FLCN: variants seen among roughly 807,000 people sequenced by gnomAD.
FLCN encodes the protein BHD skin lesion fibrofolliculoma protein.
Under a neutral mutation model 62.5 loss-of-function variants are expected in FLCN, and 22 were observed. The observed-to-expected ratio is 0.35, with a 90% CI of 0.25 to 0.50. FLCN has a LOEUF of 0.50. Among genes scored for constraint, FLCN ranks in the 20% least tolerant of loss-of-function variants. FLCN has a pLI of 0.97. For synonymous variants in FLCN, 319 were observed against 310.0 expected, an observed-to-expected ratio of 1.03 and a Z score of -0.30; for missense variants, 657 against 778.0, an observed-to-expected ratio of 0.84 and a Z score of 1.85.
chr17:17,214,920 T>C (rs2046863552), intron 13 of FLCN, 65 bp downstream of exon 13: 4 of 1,554,366 alleles, frequency 2.6e-6, no homozygotes, highest in Non-Finnish European at 3.5e-6. Context: ...GCTCCTCTTT[T>C]GGAAACAGCT....
intron 5 of FLCN, chr17:17,225,928 T>C (rs1359463748): frequency 1.6e-6 from 1 of 635,356 alleles, no homozygotes; most frequent in Admixed American, 2.7e-5. Context: ...GGACAAATAA[T>C]AAAAGTTCGG....
At chr17:17,219,247 C>T in intron 8 of FLCN, 38 bp from the exon 9 acceptor site, 2 of 1,606,352 alleles carry the variant, frequency 1.2e-6, no homozygotes, top group Non-Finnish European at 1.7e-6. Context: ...CAGATACAAA[C>T]AGTCTCATCC....
chr17:17,214,295 CAA>C (rs11333971), intron 13 of FLCN, among the ~76,000 whole-genome samples: 37 of 145,580 alleles, frequency 2.5e-4, no homozygotes, highest in African/African-American at 8.4e-4. Flanking sequence ...AATTTGCTTA[CAA>C]AAAAAAAAAC....
At chr17:17,214,476 C>T (rs1207350869) in intron 13 of FLCN, among the ~76,000 whole-genome samples, 2 of 152,084 alleles carry the variant, frequency 1.3e-5, no homozygotes, top group Non-Finnish European at 1.5e-5. Flanking sequence ...TGCCTGTAAT[C>T]CCAGCTACTC....
Position 17,212,674 on chromosome 17 carries a change from T to A in FLCN, c.*981A>T, listed in dbSNP as rs1339699344. ...AGTGGCGGGCACCTGTAGTTCCAGC[T>A]ACTCTGGAGGCTGAGGCAGGAGAAT... On this transcript the variant is annotated 3_prime_UTR_variant, in exon 14 of 14. Transcript: ENST00000285071. 5.6e-6 allele frequency: 1 copy of A among 179,538 alleles called. No homozygotes were observed. The highest frequency in any genetic ancestry group is 1.2e-5 in the Non-Finnish European group (1 of 84,094). 11.1% of individuals were successfully genotyped at this position (179,538 alleles called of 1,614,324 possible). A position where few individuals can be genotyped will look rare whatever the true frequency, so the allele number is the denominator to read the frequency against.
At chr17:17,222,754 C>G in intron 6 of FLCN, 93 bp from the exon 7 acceptor site, 3 of 1,480,134 alleles carry the variant, frequency 2.0e-6, no homozygotes, top group Non-Finnish European at 1.9e-6. Flanking sequence ...GGACCTGACT[C>G]CTGGAGGATC....
Position 17,213,715 on chromosome 17 carries a change from G to C in FLCN, c.1680C>G (p.Thr560=), listed in dbSNP as rs2144807560. ...CCGTGGACATGAGGTGTGACTTGTA[G>C]GTCTTGCTCAGGCCAGTCATCCAGA... ...LKFWMTGLSK[T]YKSHLMSTVR... The change falls in exon 14 of 14, where the codon ACC becomes ACG. Residue 560 remains threonine, a synonymous_variant. Coordinates refer to ENST00000285071, the MANE Select transcript of FLCN (RefSeq NM_144997.7). 6.2e-7 allele frequency: 1 copy of C among 1,614,190 alleles called. No homozygotes were observed. Among genetic ancestry groups the C allele is most frequent in the African/African-American group, 1.3e-5 (1 of 75,052 alleles).
chr17:17,235,251 G>C (rs1233811533), intron 1 of FLCN, among the ~76,000 whole-genome samples: 1 of 152,116 alleles, frequency 6.6e-6, no homozygotes, highest in East Asian at 1.9e-4. Context: ...TTGCACTCCA[G>C]CCTGGGCAAT....
At chr17:17,213,922 C>T in intron 13 of FLCN, 66 bp from the exon 14 acceptor site, 1 of 1,558,854 alleles carries the variant, frequency 6.4e-7, no homozygotes, top group South Asian at 1.1e-5. Context: ...GGTCACGGGG[C>T]CAACCAGGGG....
chr17:17,227,688 G>C (rs977907579), intron 4 of FLCN, among the ~76,000 whole-genome samples: 6 of 152,126 alleles, frequency 3.9e-5, no homozygotes, highest in African/African-American at 1.4e-4. Context: ...TCCAGCCTGG[G>C]CAATAAGAGC....
intron 3 of FLCN, chr17:17,228,366 G>T: frequency 1.7e-6 from 1 of 589,390 alleles, no homozygotes; most frequent in Non-Finnish European, 3.0e-6. Flanking sequence ...GGGAGTCACA[G>T]CAAATAGGGG....
intron 5 of FLCN, chr17:17,224,350 T>G: frequency 1.7e-6 from 1 of 604,826 alleles, no homozygotes. Flanking sequence ...CATTGTGGAC[T>G]GCAAGGGCCG....
At chr17:17,228,884 G>C (rs1013700876) in intron 3 of FLCN, 1 of 152,438 alleles carries the variant, frequency 6.6e-6, no homozygotes, top group African/African-American at 2.4e-5. Context: ...TGTTATCAGA[G>C]ACTGGGGAGG....
intron 5 of FLCN, 30 bp from the exon 6 acceptor site, chr17:17,224,173 C>A: frequency 1.3e-6 from 2 of 1,542,982 alleles, no homozygotes; most frequent in East Asian, 2.4e-5. Context: ...TCAGACAGCC[C>A]TTTCCTCGCT....
intron 3 of FLCN, 39 bp from the exon 4 acceptor site, chr17:17,228,200 A>G (rs759415328): frequency 1.0e-4 from 164 of 1,586,874 alleles, no homozygotes; most frequent in Non-Finnish European, 1.4e-4. Flanking sequence ...GCCAATGCCT[A>G]TTGACTCCAT....
intron 7 of FLCN, 122 bp from the exon 8 acceptor site, chr17:17,221,750 C>A: frequency 9.7e-7 from 1 of 1,032,162 alleles, no homozygotes; most frequent in Non-Finnish European, 1.4e-6. Context: ...ACCAGCAGGG[C>A]ACAACCAGCC....
rs376825814 is a variant in FLCN at position 17,224,096 on chromosome 17, G to A, written c.444C>T (p.His148=). The A allele has an allele frequency of 2.2e-5, 36 of 1,611,066 alleles. No individual in the cohort carries two copies. The highest frequency in any genetic ancestry group is 9.9e-5 in the South Asian group (9 of 90,524). The change falls in exon 6 of 14, where the codon CAC becomes CAT. Residue 148 remains histidine (H), a synonymous_variant. Transcript: ENST00000285071. Reference sequence around the variant, plus strand: ...AGAAGGTGTGGCTGAACACAAAGCCGTGCTGCTCATCTCCGAAGAAGATGG... The same window carrying A: ...AGAAGGTGTGGCTGAACACAAAGCCATGCTGCTCATCTCCGAAGAAGATGG... ...EGPIFFGDEQ[H]GFVFSHTFFI... is the part of the protein sequence containing the mutation.
rs778318558 is a variant in FLCN at position 17,215,355 on chromosome 17, A to G, written c.1301-39T>C. ...AGGCCCGTGGCTCCTCATCTCCCCCATGCTCCTCACCTCCCCTGCGCTAGC... is the reference window on the plus strand; with the variant it reads ...AGGCCCGTGGCTCCTCATCTCCCCCGTGCTCCTCACCTCCCCTGCGCTAGC... On this transcript the variant is annotated intron_variant, in intron 11 of 13. Coordinates refer to ENST00000285071, the MANE Select transcript of FLCN (RefSeq NM_144997.7). 28 of 1,611,556 alleles carry G rather than the reference A, an allele frequency of 1.7e-5. No individual in the cohort carries two copies. In the Admixed American group the frequency reaches 4.7e-4, roughly 27 times the overall value.
At position 17,214,961 on chromosome 17, in the gene FLCN, G is replaced by A. The variant is rs769365049; in HGVS notation, c.1538+24C>T. The A allele has an allele frequency of 3.1e-6, 5 of 1,607,828 alleles. No homozygotes were observed. In the South Asian group the frequency reaches 4.4e-5, roughly 14 times the overall value. ...TTTTCTCCAGGGTCGCAAGCAAAGG[G>A]GCCTCACCCACACTGTTGCTTACTT... On this transcript the variant is annotated intron_variant, in intron 13 of 13. Coordinates refer to ENST00000285071, the MANE Select transcript of FLCN (RefSeq NM_144997.7).
Sources: allele counts gnomAD v4.1 joint callset (sites outside exome capture counted in the v4.1 genomes callset), GRCh38; gene constraint gnomAD v4.1.1; transcripts MANE v1.5; gene names NCBI Gene and HGNC (gene_info 2026-07-23, HGNC 2026-07-21).